The following TRAF6 variants were observed in gnomAD, a reference collection of about 807,000 sequenced individuals.
TRAF6 encodes TNF receptor associated factor 6, also known as TNF receptor-associated factor 6.
TRAF6 carries 10 observed loss-of-function variants against 48.4 expected under a neutral mutation model. The ratio of observed to expected loss-of-function variants is 0.21; its 90% CI spans 0.13 to 0.35. The LOEUF is 0.35. TRAF6 is among the 10% of genes least tolerant of loss of function. The pLI, the probability that TRAF6 is intolerant of heterozygous loss-of-function variation, is 1.00. For synonymous variants in TRAF6, 186 were observed against 219.6 expected (o/e 0.85, Z 1.35); for missense variants, 397 against 661.0 (o/e 0.60, Z 4.38).
chr11:36,492,725 G>A, intron 5 of TRAF6, 97 bp from the exon 6 acceptor site: 2 of 915,950 alleles, frequency 2.2e-6, no homozygotes, highest in Admixed American at 2.2e-5. Context: ...TGGCTGCTTT[G>A]TACCACATTG....
chr11:36,494,122 T>C lies in TRAF6; in HGVS notation c.678+854A>G, dbSNP rs562521167. 5.3e-5 allele frequency among the ~76,000 whole-genome samples: 8 copies of C among 152,278 alleles called. No homozygotes were observed. In the South Asian group the frequency reaches 1.0e-3, roughly 20 times the overall value. ...GCTCACACCTATAATTCTAGCACTG[T>C]GGGAGGCTAAAGCAGGTAGATTGCT... On this transcript the variant is annotated intron_variant, in intron 5 of 6. Transcript: ENST00000526995.
intron 1 of TRAF6, among the ~76,000 whole-genome samples, chr11:36,505,149 C>T (rs1564969535): frequency 6.6e-6 from 1 of 152,162 alleles, no homozygotes; most frequent in Non-Finnish European, 1.5e-5. Flanking sequence ...TAGCCCCTAA[C>T]AAAAACGTCA....
In TRAF6 at chr11:36,490,418, A is replaced by G; in HGVS notation, c.989T>C (p.Leu330Pro). ...METQSMYVSE[L>P]KRTIRTLEDK... ...CTCAAGGGTTCGAATGGTTCGTTTG[A>G]GCTCACTTACATACATACTCTGAGT... Residue 330 changes from leucine to proline, a missense_variant, in exon 7 of 7, where the codon CTC (leucine) becomes CCC (proline). By Grantham distance (98) the Leu-to-Pro change is moderately conservative. This residue lies in a region of TRAF6 where 245 missense variants were observed against 349.1 expected (regional missense o/e 0.70). Transcript: ENST00000526995. This position sits in a 1 kb window ranked among gnomAD's most constrained non-coding sequence, Gnocchi z 6.4. 6.2e-7 allele frequency: 1 copy of G among 1,614,000 alleles called. No individual in the cohort carries two copies. Among genetic ancestry groups the G allele is most frequent in the Non-Finnish European group, 8.5e-7 (1 of 1,180,030 alleles).
At position 36,486,641 on chromosome 11, in the gene TRAF6, T is replaced by C. The variant is rs1341491947; in HGVS notation, c.*3197A>G. Among the ~76,000 whole-genome samples, 1 of 152,186 alleles carries C rather than the reference T, an allele frequency of 6.6e-6. No homozygotes were observed. The highest frequency in any genetic ancestry group is 1.5e-5 in the Non-Finnish European group (1 of 68,046). On this transcript the variant is annotated 3_prime_UTR_variant, in exon 7 of 7. Transcript: ENST00000526995. Reference sequence around the variant, plus strand: ...TTCATTCTGTTTCACTTTTTTCTACTATTTATCCCCAAAATAAAAGTTAAA... The same window carrying C: ...TTCATTCTGTTTCACTTTTTTCTACCATTTATCCCCAAAATAAAAGTTAAA...
At chr11:36,494,609 A>T (rs113999420) in intron 5 of TRAF6, among the ~76,000 whole-genome samples, 1,871 of 151,632 alleles carry the variant, frequency 0.012, 32 homozygotes, top group African/African-American at 0.043. Context: ...GACACTTGAG[A>T]TCCTCATTTC....
chr11:36,506,385 G>A (rs961350256), intron 1 of TRAF6, among the ~76,000 whole-genome samples: 7 of 151,970 alleles, frequency 4.6e-5, no homozygotes, highest in African/African-American at 1.2e-4. Context: ...TTTTCTCTAC[G>A]CTTGACAACA....
intron 1 of TRAF6, among the ~76,000 whole-genome samples, chr11:36,506,315 T>C (rs1286380570): frequency 1.3e-5 from 2 of 152,206 alleles, no homozygotes; most frequent in African/African-American, 4.8e-5. Flanking sequence ...GGTTATCTAA[T>C]ATGTATCAAA....
chr11:36,509,759 G>A (rs1194096360), intron 1 of TRAF6, among the ~76,000 whole-genome samples: 1 of 151,580 alleles, frequency 6.6e-6, no homozygotes, highest in Non-Finnish European at 1.5e-5. Flanking sequence ...GGGGACAGAG[G>A]CTGCGTCCCG....
intron 2 of TRAF6, 72 bp from the exon 3 acceptor site, chr11:36,498,712 C>A: frequency 6.9e-7 from 1 of 1,446,244 alleles, no homozygotes; most frequent in Admixed American, 2.3e-5. Flanking sequence ...TTTAATTCAC[C>A]ATATATAAAT....
At chr11:36,501,928 A>C (rs1417304018) in intron 1 of TRAF6, 1 of 153,854 alleles carries the variant, frequency 6.5e-6, no homozygotes, top group Admixed American at 6.5e-5. Flanking sequence ...TAAATATTTT[A>C]ATTTCCATTT....
intron 4 of TRAF6, among the ~76,000 whole-genome samples, chr11:36,495,749 G>A (rs958930644): frequency 1.1e-4 from 17 of 152,150 alleles, no homozygotes; most frequent in East Asian, 3.9e-4. Context: ...AAAATTAGCC[G>A]GGCATGGTGA....
rs1288431544 is a variant in TRAF6 at position 36,486,592 on chromosome 11, T to C, written c.*3246A>G. 1.3e-5 allele frequency among the ~76,000 whole-genome samples: 2 copies of C among 152,150 alleles called. No homozygotes were observed. The highest frequency in any genetic ancestry group is 4.8e-5 in the African/African-American group (2 of 41,370). On this transcript the variant is annotated 3_prime_UTR_variant, in exon 7 of 7. Transcript: ENST00000526995. ...CGTCCAGTATCTCTGTATTATTCCA[T>C]CATTAGAATAAAAAACACCTGCCTT...
At chr11:36,495,849 G>A (rs1300522627) in intron 4 of TRAF6, among the ~76,000 whole-genome samples, 4 of 152,004 alleles carry the variant, frequency 2.6e-5, no homozygotes, top group African/African-American at 7.2e-5. Flanking sequence ...CCGAGATTGC[G>A]CCATTGCATT....
intron 1 of TRAF6, among the ~76,000 whole-genome samples, chr11:36,506,627 G>A (rs1859788482): frequency 6.6e-6 from 1 of 152,136 alleles, no homozygotes; most frequent in Non-Finnish European, 1.5e-5. Flanking sequence ...AGGCTTGAAG[G>A]TCTTTAGGTC....
intron 5 of TRAF6, among the ~76,000 whole-genome samples, chr11:36,493,554 T>C (rs566995073): frequency 1.3e-5 from 2 of 152,278 alleles, no homozygotes; most frequent in African/African-American, 2.4e-5. Flanking sequence ...CAAAAACAGG[T>C]AGAGAGACAG....
chr11:36,486,141 G>C lies in TRAF6; in HGVS notation c.*3697C>G, dbSNP rs181888146. Among the ~76,000 whole-genome samples, 103 of 152,214 alleles carry C rather than the reference G, an allele frequency of 6.8e-4. 1 individual carries two copies. Among genetic ancestry groups the C allele is most frequent in the African/African-American group, 2.2e-3 (93 of 41,484 alleles). ...TGCAACCTGTGCTTCCCGGGTTCAA[G>C]CGATTCCCGTGCCTCAGCCTCCCAA... is the stretch of plus-strand genomic sequence containing the variant. On this transcript the variant is annotated 3_prime_UTR_variant, in exon 7 of 7. Transcript: ENST00000526995.
Position 36,485,128 on chromosome 11 carries a change from A to C in TRAF6, c.*4710T>G, listed in dbSNP as rs542241791. ...CAAATGTAACATAATATTACTGCAGATTCTAGGTCGTAGATGTTCACTATA... is the reference window on the plus strand; with the variant it reads ...CAAATGTAACATAATATTACTGCAGCTTCTAGGTCGTAGATGTTCACTATA... On this transcript the variant is annotated 3_prime_UTR_variant, in exon 7 of 7. Coordinates refer to ENST00000526995, the MANE Select transcript of TRAF6 (RefSeq NM_004620.4). 6.6e-6 allele frequency among the ~76,000 whole-genome samples: 1 copy of C among 152,256 alleles called. No homozygotes were observed. The highest frequency in any genetic ancestry group is 1.9e-4 in the East Asian group (1 of 5,182).
In TRAF6 at chr11:36,488,646, G is replaced by C. The variant is rs543308906; in HGVS notation, c.*1192C>G. ...ACACAAAAAAATCATCTCCCTATTA[G>C]GAAAATCTGGTTACTTCCAGGATTC... On this transcript the variant is annotated 3_prime_UTR_variant, in exon 7 of 7. Coordinates refer to ENST00000526995, the MANE Select transcript of TRAF6 (RefSeq NM_004620.4). 1.8e-4 allele frequency: 27 copies of C among 152,184 alleles called. No individual in the cohort carries two copies. The highest frequency in any genetic ancestry group is 5.5e-4 in the African/African-American group (23 of 41,512). 9.4% of individuals were successfully genotyped at this position (152,184 alleles called of 1,614,324 possible).
chr11:36,509,718 G>A (rs572734248), intron 1 of TRAF6, among the ~76,000 whole-genome samples: 12 of 152,276 alleles, frequency 7.9e-5, no homozygotes, highest in African/African-American at 2.9e-4. Context: ...TCAGGGGACA[G>A]GGAACGGTGT....
Sources: allele counts gnomAD v4.1 joint callset (sites outside exome capture counted in the v4.1 genomes callset), GRCh38; gene constraint gnomAD v4.1.1; regional missense constraint gnomAD v4.1.1; non-coding constraint Gnocchi (gnomAD v3.1); transcripts MANE v1.5; gene names NCBI Gene and HGNC (gene_info 2026-07-23, HGNC 2026-07-21).